The following SPG11 variants were observed in gnomAD, a reference collection of about 807,000 sequenced individuals.
SPG11 encodes the protein spatacsin.
In SPG11, 222 loss-of-function variants were observed where a neutral mutation model predicts 274.0. The ratio of observed to expected loss-of-function variants is 0.81; its 90% CI spans 0.73 to 0.91. SPG11 has a LOEUF of 0.91. Among genes scored for constraint, SPG11 ranks in the 40% least tolerant of loss-of-function variants. SPG11 has a pLI of 0.00. For synonymous variants in SPG11, 1,144 were observed against 1,039.7 expected (o/e 1.10, Z -1.93); for missense variants, 3,114 against 2,872.7 (o/e 1.08, Z -1.92).
At chr15:44,627,871 G>A (rs992402113) in intron 10 of SPG11, among the ~76,000 whole-genome samples, 4 of 152,190 alleles carry the variant, frequency 2.6e-5, no homozygotes, top group African/African-American at 9.7e-5. Context: ...TTACAGGCGT[G>A]AGCCACCGTA....
intron 2 of SPG11, among the ~76,000 whole-genome samples, chr15:44,660,046 G>A (rs2085059376): frequency 6.6e-6 from 1 of 152,068 alleles, no homozygotes; most frequent in Non-Finnish European, 1.5e-5. Flanking sequence ...GGGTGACAGA[G>A]CGAGACTGTC....
At chr15:44,571,828 G>A (rs1309422410) in intron 33 of SPG11, among the ~76,000 whole-genome samples, 1 of 152,056 alleles carries the variant, frequency 6.6e-6, no homozygotes, top group Non-Finnish European at 1.5e-5. Flanking sequence ...ATCTTACTCT[G>A]TTGCCCAGAC....
chr15:44,656,043 G>A (rs776595156), intron 4 of SPG11, among the ~76,000 whole-genome samples: 2 of 152,178 alleles, frequency 1.3e-5, no homozygotes, highest in African/African-American at 2.4e-5. Flanking sequence ...AGGCCCCTAA[G>A]AAGGATGGAA....
intron 30 of SPG11, 49 bp downstream of exon 30, chr15:44,583,765 G>C (rs900787815): frequency 1.2e-6 from 2 of 1,612,560 alleles, no homozygotes; most frequent in Non-Finnish European, 1.7e-6. Flanking sequence ...TGGAGACAGT[G>C]CTAACAGTGC....
intron 3 of SPG11, among the ~76,000 whole-genome samples, chr15:44,658,458 A>C (rs2085002749): frequency 6.6e-6 from 1 of 151,620 alleles, no homozygotes; most frequent in Non-Finnish European, 1.5e-5. Flanking sequence ...ATCACAACAT[A>C]AGCTTTTTTT....
At chr15:44,605,272 T>C (rs2083290849) in intron 20 of SPG11, among the ~76,000 whole-genome samples, 1 of 152,232 alleles carries the variant, frequency 6.6e-6, no homozygotes, top group Admixed American at 6.5e-5. Flanking sequence ...GAACATCTAC[T>C]GTAGGCTTGG....
chr15:44,577,053 C>A (rs1193845265), intron 30 of SPG11, among the ~76,000 whole-genome samples: 1 of 152,106 alleles, frequency 6.6e-6, no homozygotes, highest in Non-Finnish European at 1.5e-5. Context: ...GTCTTGAACT[C>A]CTGACCTCAG....
Position 44,608,445 on chromosome 15 carries a change from T to G in SPG11, c.3452A>C (p.Gln1151Pro). ...ATATTGGCCACCTAAATACTGTACCTGAATAAGGTGGTAGATTGTAATATC... is the reference window on the plus strand; with the variant it reads ...ATATTGGCCACCTAAATACTGTACCGGAATAAGGTGGTAGATTGTAATATC... ...PSDITIYHLI[Q>P]SLSPFDPSRL... is the part of the protein sequence containing the mutation. The change falls in exon 19 of 40, where the codon CAG becomes CCG. Residue 1151 changes from glutamine (Q) to proline (P), a missense_variant and splice_region_variant. Physicochemically the swap from Gln to Pro is moderately conservative, Grantham distance 76 (BLOSUM62 -1). Transcript: ENST00000261866. The G allele has an allele frequency of 6.2e-7, 1 of 1,613,976 alleles. No homozygotes were observed. The highest frequency in any genetic ancestry group is 1.3e-5 in the African/African-American group (1 of 75,046).
rs113126180 is a variant in SPG11, at chr15:44,642,268, G to C, written c.1602+6598C>G. Among the ~76,000 whole-genome samples, 951 of 151,338 alleles carry C rather than the reference G, an allele frequency of 6.3e-3. 9 individuals carry two copies. Among genetic ancestry groups the C allele is most frequent in the Middle Eastern group, 0.017 (5 of 288 alleles). ...TAATCCCAGCTACTCAGGAGGCTGA[G>C]GCAGGAGAATCACTTGAACCCAGAA... On this transcript the variant is annotated intron_variant, in intron 7 of 39. Coordinates refer to ENST00000261866, the MANE Select transcript of SPG11 (RefSeq NM_025137.4).
Position 44,659,222 on chromosome 15 carries a change from T to A in SPG11, c.524A>T (p.His175Leu). 6.2e-7 allele frequency: 1 copy of A among 1,614,212 alleles called. No individual in the cohort carries two copies. Among genetic ancestry groups the A allele is most frequent in the Admixed American group, 1.7e-5 (1 of 60,024 alleles). Reference sequence around the variant, plus strand: ...AGCATCTCTTTCAGGAAATATAATATGTAGGATGACACATTTGTTGATGAA... The same window carrying A: ...AGCATCTCTTTCAGGAAATATAATAAGTAGGATGACACATTTGTTGATGAA... ...LLFINKCVIL[H>L]IIFPERDAAI... The change falls in exon 3 of 40, where the codon CAT (histidine) becomes CTT (leucine). Residue 175 changes from histidine (H) to leucine (L), a missense_variant. Transcript: ENST00000261866.
At chr15:44,618,938 T>C (rs2083665442) in intron 15 of SPG11, among the ~76,000 whole-genome samples, 1 of 152,238 alleles carries the variant, frequency 6.6e-6, no homozygotes, top group African/African-American at 2.4e-5. Flanking sequence ...GTATGATTTT[T>C]CCCCTTTAAT....
intron 10 of SPG11, among the ~76,000 whole-genome samples, chr15:44,627,108 C>T (rs749121014): frequency 6.6e-6 from 1 of 152,000 alleles, no homozygotes; most frequent in Non-Finnish European, 1.5e-5. Context: ...CTACGTGGAG[C>T]CACTGAAAGA....
Position 44,570,572 on chromosome 15 carries a change from T to A in SPG11, c.6430A>T (p.Met2144Leu), listed in dbSNP as rs751841565. The A allele has an allele frequency of 3.1e-6, 5 of 1,614,106 alleles. No homozygotes were observed. The highest frequency in any genetic ancestry group is 2.5e-6 in the Non-Finnish European group (3 of 1,179,988). ...GIIRVLQAAHMLTDNHLAPSE... is the reference protein window; with the variant it reads ...GIIRVLQAAHLLTDNHLAPSE... ...GGGGCCAGGTGGTTATCTGTGAGCATGTGGGCGGCCTGTAGGACTCGGATG... is the reference window on the plus strand; with the variant it reads ...GGGGCCAGGTGGTTATCTGTGAGCAAGTGGGCGGCCTGTAGGACTCGGATG... Residue 2144 changes from methionine (M) to leucine (L), a missense_variant, in exon 34 of 40, where the codon ATG (methionine) becomes TTG (leucine). Physicochemically the swap from Met to Leu is conservative, Grantham distance 15 (BLOSUM62 2). Coordinates refer to ENST00000261866, the MANE Select transcript of SPG11 (RefSeq NM_025137.4).
intron 6 of SPG11, among the ~76,000 whole-genome samples, chr15:44,650,482 C>T (rs750312190): frequency 2.4e-4 from 37 of 152,116 alleles, no homozygotes; most frequent in Non-Finnish European, 4.4e-4. Context: ...AGCGAGACGT[C>T]GTCTCTACTA....
chr15:44,564,835 A>G (rs990568498), intron 38 of SPG11, 137 bp from the exon 39 acceptor site: 2 of 989,070 alleles, frequency 2.0e-6, no homozygotes, highest in South Asian at 1.5e-5. Flanking sequence ...AAAAGGCTCT[A>G]TGTATCAGAG....
intron 21 of SPG11, among the ~76,000 whole-genome samples, chr15:44,599,189 T>C (rs987074745): frequency 3.9e-5 from 6 of 152,230 alleles, no homozygotes; most frequent in Non-Finnish European, 7.3e-5. Context: ...AGAATATCAA[T>C]GCCACTTAAA....
In SPG11 at chr15:44,570,729, G is replaced by T. The variant is rs1242953080; in HGVS notation, c.6344-71C>A. The T allele has an allele frequency of 6.4e-6, 10 of 1,573,156 alleles. No homozygotes were observed. The Middle Eastern group carries it at 5.2e-4, about 81-fold the overall frequency. Reference sequence around the variant, plus strand: ...CCCACTGTCAACCTCTGCCTGGCAGGAGGGAAAAAGGGCCTGGTGGAGAAG... The same window carrying T: ...CCCACTGTCAACCTCTGCCTGGCAGTAGGGAAAAAGGGCCTGGTGGAGAAG... On this transcript the variant is annotated intron_variant, in intron 33 of 39. Transcript: ENST00000261866.
At chr15:44,573,440 T>G in intron 32 of SPG11, 107 bp downstream of exon 32, 17 of 1,223,698 alleles carry the variant, frequency 1.4e-5, no homozygotes, top group Non-Finnish European at 1.9e-5. Context: ...TCCAGAAACT[T>G]GAGAGAACCA....
intron 2 of SPG11, among the ~76,000 whole-genome samples, chr15:44,660,141 T>C (rs1479188561): frequency 6.6e-6 from 1 of 152,182 alleles, no homozygotes; most frequent in African/African-American, 2.4e-5. Context: ...TTTAATAATA[T>C]ACATTAGCTT....
Sources: allele counts gnomAD v4.1 joint callset (sites outside exome capture counted in the v4.1 genomes callset), GRCh38; gene constraint gnomAD v4.1.1; transcripts MANE v1.5; gene names NCBI Gene and HGNC (gene_info 2026-07-23, HGNC 2026-07-21).